The following ALMS1 variants were observed in gnomAD, a reference collection of about 807,000 sequenced individuals.
ALMS1 encodes the protein centrosome-associated protein ALMS1.
Under a neutral mutation model 352.2 loss-of-function variants are expected in ALMS1, and 271 were observed. The observed-to-expected ratio is 0.77, with a 90% confidence interval of 0.70 to 0.85. The LOEUF (loss-of-function observed/expected upper bound fraction) is 0.85, where lower values mean the gene tolerates loss of function less well. ALMS1 is among the 40% of genes least tolerant of loss of function. The probability of loss-of-function intolerance (pLI) is 0.00; values close to 1 mark genes in which losing one functional copy is unlikely to be tolerated. For missense variants in ALMS1, 5,445 were observed against 4,870.7 expected, an observed-to-expected ratio of 1.12 and a Z score of -3.51; for synonymous variants, 1,865 against 1,761.2, an observed-to-expected ratio of 1.06 and a Z score of -1.48.
At chr2:73,395,096 T>TTGAGACAGAGTC (rs1670735148) in intron 1 of ALMS1, among the ~76,000 whole-genome samples, 1 of 139,076 alleles carries the variant, frequency 7.2e-6, no homozygotes, top group Admixed American at 7.2e-5. Context: ...TTTTTTTTTT[T>TTGAGACAGAGTC]TTTGAGACAG....
chr2:73,532,625 A>C (rs1673939381), intron 11 of ALMS1, among the ~76,000 whole-genome samples: 1 of 151,852 alleles, frequency 6.6e-6, no homozygotes, highest in African/African-American at 2.4e-5. Context: ...ACTTCAGGGC[A>C]ATGGCCTCCC....
rs532044714 is a variant in ALMS1, at chr2:73,424,393, G to GTTAT, written c.765-22_765-19dup. The GTTAT allele has an allele frequency of 7.0e-6, 9 of 1,289,738 alleles. No individual in the cohort carries two copies. In the Admixed American group the frequency reaches 7.8e-5, roughly 11 times the overall value. The allele number at this position is 1,289,738 out of a possible 1,614,324, so 79.9% of individuals were successfully genotyped here. A position where few individuals can be genotyped will look rare whatever the true frequency, so the allele number is the denominator to read the frequency against. Reference sequence around the variant, plus strand: ...TACTTAAAAATTAAATGTTTTTAATGTTATTTATTTATTTATTTTTAACTA... The same window carrying GTTAT: ...TACTTAAAAATTAAATGTTTTTAATGTTATTTATTTATTTATTTATTTTTAACTA... On this transcript the variant is annotated intron_variant, in intron 4 of 22. Coordinates refer to ENST00000613296, the MANE Select transcript of ALMS1 (RefSeq NM_001378454.1).
At chr2:73,436,738 A>G (rs1223379564) in intron 7 of ALMS1, among the ~76,000 whole-genome samples, 1 of 152,048 alleles carries the variant, frequency 6.6e-6, no homozygotes, top group Non-Finnish European at 1.5e-5. Flanking sequence ...GTTATTTTCT[A>G]AGTTCTGTCT....
At chr2:73,403,270 C>T (rs1572901686) in intron 1 of ALMS1, among the ~76,000 whole-genome samples, 1 of 152,148 alleles carries the variant, frequency 6.6e-6, no homozygotes, top group African/African-American at 2.4e-5. Context: ...TTTCTCAGCA[C>T]CATTATTTGA....
intron 16 of ALMS1, among the ~76,000 whole-genome samples, 193 bp from the exon 17 acceptor site, chr2:73,599,208 A>C (rs1675618203): frequency 6.6e-6 from 1 of 152,108 alleles, no homozygotes; most frequent in African/African-American, 2.4e-5. Flanking sequence ...ATAACAGCTT[A>C]AGTCCTATCC....
chr2:73,476,454 A>C (rs919859910), intron 9 of ALMS1, among the ~76,000 whole-genome samples: 1 of 152,012 alleles, frequency 6.6e-6, no homozygotes, highest in Non-Finnish European at 1.5e-5. Context: ...TTCTACTTTT[A>C]AGTTTTTGAG....
intron 21 of ALMS1, among the ~76,000 whole-genome samples, chr2:73,608,158 T>G (rs1211284973): frequency 6.6e-6 from 1 of 152,236 alleles, no homozygotes; most frequent in Non-Finnish European, 1.5e-5. Context: ...AAACAGTCCA[T>G]TTTTGCATGT....
At chr2:73,547,956 T>C (rs1319411477) in intron 12 of ALMS1, among the ~76,000 whole-genome samples, 1 of 151,492 alleles carries the variant, frequency 6.6e-6, no homozygotes, top group East Asian at 1.9e-4. Context: ...GTGATAGGAG[T>C]ATGGAGAGTG....
intron 7 of ALMS1, among the ~76,000 whole-genome samples, chr2:73,438,939 C>G (rs1308621898): frequency 2.6e-5 from 4 of 151,898 alleles, no homozygotes; most frequent in Non-Finnish European, 5.9e-5. Context: ...TTTCTTTGTT[C>G]TGAAGATTAT....
Position 73,448,498 on chromosome 2 carries a change from G to T in ALMS1, c.1971G>T (p.Gln657His), listed in dbSNP as rs753296810. ...CAGCTGCTCCTGGCCCAGTGGAGCA[G>T]AAGACGGGAATACCTACAGTATCCT... Reference protein sequence around the residue: ...EVSAAPGPVEQKTGIPTVSST... With the variant: ...EVSAAPGPVEHKTGIPTVSST... The change falls in exon 8 of 23, where the codon CAG becomes CAT. Residue 657 changes from glutamine to histidine, a missense_variant. Coordinates refer to ENST00000613296, the MANE Select transcript of ALMS1 (RefSeq NM_001378454.1). 9.8e-5 allele frequency: 158 copies of T among 1,613,840 alleles called. No homozygotes were observed. The highest frequency in any genetic ancestry group is 1.3e-4 in the Non-Finnish European group (149 of 1,179,954).
intron 10 of ALMS1, among the ~76,000 whole-genome samples, chr2:73,504,325 A>T (rs1673277449): frequency 6.6e-6 from 1 of 152,196 alleles, no homozygotes; most frequent in African/African-American, 2.4e-5. Flanking sequence ...GTATAGCTTT[A>T]TGTAACCGCC....
intron 8 of ALMS1, 136 bp from the exon 9 acceptor site, chr2:73,455,026 G>T (rs1672030698): frequency 1.0e-6 from 1 of 988,394 alleles, no homozygotes; most frequent in Non-Finnish European, 1.6e-6. Flanking sequence ...CTAATAGGTT[G>T]TCATAATTGA....
chr2:73,498,527 G>A (rs1283829331), intron 10 of ALMS1, among the ~76,000 whole-genome samples: 1 of 151,826 alleles, frequency 6.6e-6, no homozygotes, highest in African/African-American at 2.4e-5. Flanking sequence ...GTGTGTGTGT[G>A]TGTGCCCATT....
intron 12 of ALMS1, among the ~76,000 whole-genome samples, chr2:73,544,280 A>G (rs1397901188): frequency 3.3e-5 from 5 of 152,018 alleles, no homozygotes; most frequent in African/African-American, 1.2e-4. Flanking sequence ...AAAACCAAAC[A>G]CTGCATGTTG....
chr2:73,448,295 C>T lies in ALMS1; in HGVS notation c.1768C>T (p.Pro590Ser), dbSNP rs1671848143. 1 of 1,613,878 alleles carries T rather than the reference C, an allele frequency of 6.2e-7. No homozygotes were observed. The change falls in exon 8 of 23, where the codon CCA (proline) becomes TCA (serine). Residue 590 changes from proline (P) to serine (S), a missense_variant. Pro to Ser is a moderately conservative substitution (Grantham distance 74). Coordinates refer to ENST00000613296, the MANE Select transcript of ALMS1 (RefSeq NM_001378454.1). ...KPSIFYQQGL[P>S]DSHLTEEALK... Reference sequence around the variant, plus strand: ...CAGCATTTTCTACCAGCAGGGCTTGCCAGACAGTCATCTAACTGAAGAGGC... The same window carrying T: ...CAGCATTTTCTACCAGCAGGGCTTGTCAGACAGTCATCTAACTGAAGAGGC...
At chr2:73,404,501 A>C (rs1177374595) in intron 1 of ALMS1, among the ~76,000 whole-genome samples, 1 of 151,128 alleles carries the variant, frequency 6.6e-6, no homozygotes, top group African/African-American at 2.4e-5. Flanking sequence ...AAGGGTGTTG[A>C]ATTTTGTGAA....
chr2:73,398,059 G>A (rs1383880726), intron 1 of ALMS1, among the ~76,000 whole-genome samples: 1 of 152,068 alleles, frequency 6.6e-6, no homozygotes, highest in Admixed American at 6.5e-5. Flanking sequence ...CAAACCCAAG[G>A]ACATCTAGAT....
At chr2:73,428,749 C>T (rs1395860705) in intron 6 of ALMS1, among the ~76,000 whole-genome samples, 1 of 152,126 alleles carries the variant, frequency 6.6e-6, no homozygotes, top group Non-Finnish European at 1.5e-5. Context: ...AGTCTTAGAT[C>T]TAGGAGTTAT....
chr2:73,582,495 C>T lies in ALMS1; in HGVS notation c.11547+9071C>T, dbSNP rs189713969. ...TCCAGAACTTTTTCATATTGCAAACCTGAAACTCTATACCCATTGAACAAC... is the reference window on the plus strand; with the variant it reads ...TCCAGAACTTTTTCATATTGCAAACTTGAAACTCTATACCCATTGAACAAC... On this transcript the variant is annotated intron_variant, in intron 16 of 22. Coordinates refer to ENST00000613296, the MANE Select transcript of ALMS1 (RefSeq NM_001378454.1). 1.1e-3 allele frequency among the ~76,000 whole-genome samples: 173 copies of T among 152,018 alleles called. 1 individual carries two copies. Among genetic ancestry groups the T allele is most frequent in the Non-Finnish European group, 1.4e-3 (95 of 68,016 alleles).
Sources: gnomAD v4.1 joint callset for allele counts (sites outside exome capture counted in the v4.1 genomes callset) on GRCh38, gnomAD v4.1.1 for gene constraint, MANE v1.5 for transcripts, NCBI Gene and HGNC (gene_info 2026-07-23, HGNC 2026-07-21) for gene names.